The following MICU1 variants were observed in gnomAD, a reference collection of about 807,000 sequenced individuals.
MICU1 encodes the protein mitochondrial calcium uptake 1.
In MICU1, 45 loss-of-function variants were observed where a neutral mutation model predicts 56.8. The ratio of observed to expected loss-of-function variants is 0.79; its 90% CI spans 0.62 to 1.02. The LOEUF (loss-of-function observed/expected upper bound fraction) is 1.02, where lower values mean the gene tolerates loss of function less well. Among genes scored for constraint, MICU1 ranks in the 50% least tolerant of loss-of-function variants. The probability of loss-of-function intolerance (pLI) is 0.00; values close to 1 mark genes in which losing one functional copy is unlikely to be tolerated. For missense variants in MICU1, 504 were observed against 587.1 expected, an observed-to-expected ratio of 0.86 and a Z score of 1.46; for synonymous variants, 186 against 195.1, an observed-to-expected ratio of 0.95 and a Z score of 0.39.
intron 10 of MICU1, among the ~76,000 whole-genome samples, chr10:72,376,169 C>T (rs960361208): frequency 6.6e-6 from 1 of 151,796 alleles, no homozygotes; most frequent in African/African-American, 2.4e-5. Context: ...ATCCCAGCTA[C>T]TTGGGAGGCT....
chr10:72,408,741 T>C (rs865822436), intron 9 of MICU1, among the ~76,000 whole-genome samples: 2 of 152,354 alleles, frequency 1.3e-5, no homozygotes, highest in Middle Eastern at 6.8e-3. Flanking sequence ...TCCAGTTTAA[T>C]AGTCTGCTCA....
rs368659385 is a variant in MICU1 at position 72,422,287 on chromosome 10, G to A, written c.1071+947C>T. On this transcript the variant is annotated intron_variant, in intron 9 of 11. Transcript: ENST00000361114. ...AAGGCAGCTACCTGCAAGGCAGGAG[G>A]AGAGCTCTTATCAGAAACCAAATCA... 7.9e-5 allele frequency among the ~76,000 whole-genome samples: 12 copies of A among 152,344 alleles called. No individual in the cohort carries two copies. In the East Asian group the frequency reaches 1.9e-3, roughly 24 times the overall value.
intron 8 of MICU1, among the ~76,000 whole-genome samples, chr10:72,453,879 A>G (rs761039859): frequency 6.6e-6 from 1 of 151,244 alleles, no homozygotes; most frequent in Non-Finnish European, 1.5e-5. Context: ...CTTGTCACCC[A>G]GGCTGGAGTG....
chr10:72,529,439 T>C (rs1389039091), intron 5 of MICU1, among the ~76,000 whole-genome samples: 1 of 152,204 alleles, frequency 6.6e-6, no homozygotes, highest in Non-Finnish European at 1.5e-5. Context: ...GTATAAACTA[T>C]AGCTTTTAGA....
At chr10:72,379,176 A>G (rs1447411669) in intron 10 of MICU1, among the ~76,000 whole-genome samples, 1 of 152,206 alleles carries the variant, frequency 6.6e-6, no homozygotes, top group African/African-American at 2.4e-5. Context: ...TGCAATAAGA[A>G]TAGTAACTGT....
intron 1 of MICU1, among the ~76,000 whole-genome samples, chr10:72,622,732 T>C (rs1256801923): frequency 6.6e-6 from 1 of 152,192 alleles, no homozygotes; most frequent in African/African-American, 2.4e-5. Flanking sequence ...ACTTTCAATA[T>C]TGTATTTTCG....
chr10:72,553,624 G>A (rs1383100637), intron 3 of MICU1, among the ~76,000 whole-genome samples: 1 of 152,180 alleles, frequency 6.6e-6, no homozygotes, highest in East Asian at 1.9e-4. Context: ...TGGGGTATAT[G>A]AGCAGCAGTT....
At chr10:72,563,447 G>A (rs568386579) in intron 2 of MICU1, among the ~76,000 whole-genome samples, 23 of 152,252 alleles carry the variant, frequency 1.5e-4, no homozygotes, top group South Asian at 6.2e-4. Context: ...TCTTGAGGGC[G>A]TTATGCTAAG....
chr10:72,490,891 G>A (rs562772861), intron 6 of MICU1, among the ~76,000 whole-genome samples: 4 of 152,124 alleles, frequency 2.6e-5, no homozygotes, highest in African/African-American at 7.2e-5. Flanking sequence ...CCAAGGACCC[G>A]TTTTTTCCCC....
intron 6 of MICU1, among the ~76,000 whole-genome samples, chr10:72,492,287 G>A (rs1201696809): frequency 6.6e-6 from 1 of 152,050 alleles, no homozygotes; most frequent in Non-Finnish European, 1.5e-5. Flanking sequence ...GACTAGAAAA[G>A]CAAGGGGGAA....
At chr10:72,584,558 C>CT (rs61492943) in intron 1 of MICU1, among the ~76,000 whole-genome samples, 79,702 of 149,100 alleles carry the variant, frequency 0.53, 22,268 homozygotes, top group Non-Finnish European at 0.64. Context: ...TTAATACATA[C>CT]TTTTTTTTTT....
chr10:72,614,494 T>C (rs1038223474), intron 1 of MICU1, among the ~76,000 whole-genome samples: 1 of 152,244 alleles, frequency 6.6e-6, no homozygotes, highest in Non-Finnish European at 1.5e-5. Flanking sequence ...GATGGATGAA[T>C]GGATAAAATG....
intron 6 of MICU1, among the ~76,000 whole-genome samples, chr10:72,487,431 A>T (rs1019110078): frequency 6.6e-6 from 1 of 152,212 alleles, no homozygotes; most frequent in Non-Finnish European, 1.5e-5. Flanking sequence ...ATTTCTTCAA[A>T]TAACTGTAAC....
chr10:72,458,879 A>ATTTTTTTTTTTT (rs538552469), intron 8 of MICU1, among the ~76,000 whole-genome samples: 1 of 126,306 alleles, frequency 7.9e-6, no homozygotes, highest in African/African-American at 3.0e-5. Context: ...CCCAGCTACC[A>ATTTTTTTTTTTT]TTTTTTTTTT....
intron 9 of MICU1, among the ~76,000 whole-genome samples, chr10:72,412,541 T>C (rs967352217): frequency 3.3e-5 from 5 of 152,160 alleles, no homozygotes; most frequent in African/African-American, 7.2e-5. Flanking sequence ...AGCAAGTAAA[T>C]AGAATTGTCT....
At chr10:72,536,437 C>G (rs1236494231) in intron 4 of MICU1, among the ~76,000 whole-genome samples, 1 of 152,030 alleles carries the variant, frequency 6.6e-6, no homozygotes, top group Admixed American at 6.6e-5. Flanking sequence ...ACCTCCACCT[C>G]CTGGGTTCAA....
chr10:72,539,822 TG>T (rs1169023809), intron 4 of MICU1, among the ~76,000 whole-genome samples: 1 of 152,088 alleles, frequency 6.6e-6, no homozygotes, highest in Non-Finnish European at 1.5e-5. Flanking sequence ...TAATACCAAG[TG>T]TTGGCAGCAG....
intron 10 of MICU1, among the ~76,000 whole-genome samples, chr10:72,405,166 C>T: frequency 6.6e-6 from 1 of 152,088 alleles, no homozygotes; most frequent in East Asian, 1.9e-4. Context: ...GTCTCAGCCT[C>T]CTAAAGTGTT....
intron 10 of MICU1, among the ~76,000 whole-genome samples, chr10:72,389,545 A>C (rs1589161817): frequency 6.6e-6 from 1 of 152,342 alleles, no homozygotes; most frequent in East Asian, 1.9e-4. Context: ...AATCAAGGCC[A>C]ACTATGCCAT....
Sources: allele counts gnomAD v4.1 joint callset (sites outside exome capture counted in the v4.1 genomes callset), GRCh38; gene constraint gnomAD v4.1.1; transcripts MANE v1.5; gene names NCBI Gene and HGNC (gene_info 2026-07-23, HGNC 2026-07-21).